PLRG1: variants seen among roughly 807,000 people sequenced by gnomAD.
PLRG1 encodes the protein pleiotropic regulator 1.
PLRG1 carries 28 observed loss-of-function variants against 74.9 expected under a neutral mutation model. That is an observed-to-expected ratio of 0.37 (90% CI 0.28 to 0.51). The LOEUF is 0.51. Ranked by LOEUF, PLRG1 falls within the 20% of genes least tolerant of loss-of-function variation. The probability of loss-of-function intolerance (pLI) is 0.91; values close to 1 mark genes in which losing one functional copy is unlikely to be tolerated. For missense variants in PLRG1, 445 were observed against 631.9 expected (o/e 0.70, Z 3.17); for synonymous variants, 197 against 212.4 (o/e 0.93, Z 0.63).
chr4:154,537,537 C>T (rs1729473488), intron 13 of PLRG1, 58 bp from the exon 14 acceptor site: 1 of 1,245,258 alleles, frequency 8.0e-7, no homozygotes. Context: ...GCTTGACAAA[C>T]ATTTATGAAG....
At chr4:154,544,977 T>C (rs1330961828) in intron 6 of PLRG1, among the ~76,000 whole-genome samples, 1 of 152,200 alleles carries the variant, frequency 6.6e-6, no homozygotes, top group Non-Finnish European at 1.5e-5. Context: ...TTTAACATTA[T>C]TGGTTTAATA....
chr4:154,549,718 G>A (rs1560810422), intron 1 of PLRG1: 1 of 456,332 alleles, frequency 2.2e-6, no homozygotes. Context: ...CCAACCAACG[G>A]GGAGCTAATG....
chr4:154,547,354 C>T, intron 3 of PLRG1: 1 of 522,770 alleles, frequency 1.9e-6, no homozygotes, highest in South Asian at 2.4e-5. Flanking sequence ...ATCTTGAATT[C>T]TCTTTACTTA....
intron 11 of PLRG1, 77 bp downstream of exon 11, chr4:154,539,874 T>C (rs1729523893): frequency 1.3e-6 from 1 of 794,626 alleles, no homozygotes; most frequent in Non-Finnish European, 2.3e-6. Context: ...AGAGTCATCA[T>C]GAATATTAAA....
At position 154,546,995 on chromosome 4, in the gene PLRG1, A is replaced by G. The variant is rs1355349384; in HGVS notation, c.313+16T>C. On this transcript the variant is annotated intron_variant, in intron 4 of 14. Coordinates refer to ENST00000499023, the MANE Select transcript of PLRG1 (RefSeq NM_002669.4). Reference sequence around the variant, plus strand: ...GACATTTTTAAGACATTTTCAATATATAACAGCTCACTAACCAGGTCCTGG... The same window carrying G: ...GACATTTTTAAGACATTTTCAATATGTAACAGCTCACTAACCAGGTCCTGG... 11 of 1,553,670 alleles carry G rather than the reference A, an allele frequency of 7.1e-6. No individual in the cohort carries two copies. The highest frequency in any genetic ancestry group is 5.6e-5 in the South Asian group (5 of 89,872).
Position 154,540,846 on chromosome 4 carries a change from G to A in PLRG1, c.776C>T (p.Pro259Leu). ...GTCTTCTCCACAAGAGAACAGATAT[G>A]GGCTCCTTGTGCTTACTATCACGCC... ...VRGVIVSTRSPYLFSCGEDKQ... is the reference protein window; with the variant it reads ...VRGVIVSTRSLYLFSCGEDKQ... The change falls in exon 9 of 15, where the codon CCA (proline) becomes CTA (leucine). Residue 259 changes from proline (P) to leucine (L), a missense_variant. By Grantham distance (98) the Pro-to-Leu change is moderately conservative. Around this residue, in one of 3 missense-constraint regions of PLRG1, gnomAD observed 221 missense variants for 377.7 expected, o/e 0.59. Coordinates refer to ENST00000499023, the MANE Select transcript of PLRG1 (RefSeq NM_002669.4). 1 of 1,613,088 alleles carries A rather than the reference G, an allele frequency of 6.2e-7. No individual in the cohort carries two copies. Among genetic ancestry groups the A allele is most frequent in the Non-Finnish European group, 8.5e-7 (1 of 1,179,138 alleles).
intron 2 of PLRG1, 58 bp from the exon 3 acceptor site, chr4:154,547,911 AG>A: frequency 2.3e-6 from 3 of 1,316,784 alleles, no homozygotes; most frequent in Admixed American, 4.6e-5. Flanking sequence ...ACAAACACTT[AG>A]CTTAAGTTTG....
chr4:154,550,142 C>G (rs1345037626), intron 1 of PLRG1, among the ~76,000 whole-genome samples, 158 bp downstream of exon 1: 1 of 152,226 alleles, frequency 6.6e-6, no homozygotes, highest in Non-Finnish European at 1.5e-5. Context: ...TACCCCTTCC[C>G]CGAAAACCCG....
intron 11 of PLRG1, 71 bp downstream of exon 11, chr4:154,539,880 T>C (rs934017766): frequency 4.1e-5 from 33 of 809,442 alleles, no homozygotes; most frequent in African/African-American, 3.9e-4. Flanking sequence ...ATCATGAATA[T>C]TAAAAGTATA....
chr4:154,543,957 CTG>C (rs1157628258), intron 7 of PLRG1: 3 of 153,476 alleles, frequency 2.0e-5, no homozygotes, highest in African/African-American at 7.2e-5. Context: ...CTTCACGAAT[CTG>C]TGTTATCCTT....
At chr4:154,541,030 A>T in intron 8 of PLRG1, 96 bp from the exon 9 acceptor site, 1 of 924,774 alleles carries the variant, frequency 1.1e-6, no homozygotes. Context: ...CAAAGACAAA[A>T]GGAAAAAGAT....
rs1560804910 is a variant in PLRG1 at position 154,535,885 on chromosome 4, G to T, written c.*800C>A. ...TATGAGCTTTCCCCAGAACAAGCCA[G>T]CTTTAGTCCCATTATTCGACAGTAG... On this transcript the variant is annotated 3_prime_UTR_variant, in exon 15 of 15. Coordinates refer to ENST00000499023, the MANE Select transcript of PLRG1 (RefSeq NM_002669.4). 2.7e-5 allele frequency: 1 copy of T among 36,822 alleles called. No homozygotes were observed. Among genetic ancestry groups the T allele is most frequent in the African/African-American group, 1.1e-4 (1 of 9,346 alleles). 2.3% of individuals were successfully genotyped at this position (36,822 alleles called of 1,614,324 possible).
In PLRG1 at chr4:154,546,141, G is replaced by T. The variant is rs1396356062; in HGVS notation, c.386C>A (p.Ala129Glu). The T allele has an allele frequency of 1.3e-6, 2 of 1,592,848 alleles. No homozygotes were observed. The highest frequency in any genetic ancestry group is 1.7e-6 in the Non-Finnish European group (2 of 1,161,522). ...TTCATACTTGGTCTGCAAAGGTAAT[G>T]CCACCGCTAAGGACTGTGCAGCTGA... ...SESAAQSLAV[A>E]LPLQTKADAN... The change falls in exon 5 of 15, where the codon GCA (alanine) becomes GAA (glutamate). Residue 129 changes from alanine to glutamate, a missense_variant. Ala to Glu is a moderately radical substitution (Grantham distance 107). Transcript: ENST00000499023.
intron 1 of PLRG1, chr4:154,549,649 G>C (rs1348889407): frequency 4.4e-6 from 2 of 456,176 alleles, no homozygotes; most frequent in Admixed American, 4.7e-5. Context: ...AACAAGAAAG[G>C]TATGAACAAC....
At chr4:154,544,619 GA>G (rs1729615339) in intron 6 of PLRG1, 73 bp from the exon 7 acceptor site, 1 of 780,996 alleles carries the variant, frequency 1.3e-6, no homozygotes, top group African/African-American at 1.8e-5. Flanking sequence ...TTCAGAAATG[GA>G]AATGGAAAGA....
intron 8 of PLRG1, 113 bp from the exon 9 acceptor site, chr4:154,541,047 T>TA: frequency 1.3e-6 from 1 of 786,994 alleles, no homozygotes; most frequent in Admixed American, 3.5e-5. Flanking sequence ...AGATAACAAA[T>TA]ACGTAAAAAT....
At chr4:154,548,793 G>C in intron 2 of PLRG1, 36 bp downstream of exon 2, 1 of 1,019,826 alleles carries the variant, frequency 9.8e-7, no homozygotes, top group South Asian at 1.3e-5. Context: ...AGAATGTTAA[G>C]TATTTTAGCA....
chr4:154,543,497 C>T (rs544733793), intron 7 of PLRG1, among the ~76,000 whole-genome samples: 4 of 151,984 alleles, frequency 2.6e-5, no homozygotes, highest in South Asian at 2.1e-4. Flanking sequence ...CATAAATATG[C>T]ACATCTATTA....
In PLRG1 at chr4:154,548,958, C is replaced by T. The variant is rs201955427; in HGVS notation, c.10-23G>A. 1.3e-5 allele frequency: 16 copies of T among 1,243,596 alleles called. No homozygotes were observed. The African/African-American group carries it at 2.1e-4, about 16-fold the overall frequency. The allele number at this position is 1,243,596 out of a possible 1,614,324, so 77.0% of individuals were successfully genotyped here. A position where few individuals can be genotyped will look rare whatever the true frequency, so the allele number is the denominator to read the frequency against. On this transcript the variant is annotated intron_variant, in intron 1 of 14. Transcript: ENST00000499023. The stretch of plus-strand genomic sequence containing the variant: ...CTCCTAAAAAAAAAGAATGTAATTA[C>T]ACACCTATCTACAAATTACACAAAT...
Sources: gnomAD v4.1 joint callset for allele counts (sites outside exome capture counted in the v4.1 genomes callset) on GRCh38, gnomAD v4.1.1 for gene constraint, gnomAD v4.1.1 regional missense constraint, MANE v1.5 for transcripts, NCBI Gene and HGNC (gene_info 2026-07-23, HGNC 2026-07-21) for gene names.